PLSCR1: variants seen among roughly 807,000 people sequenced by gnomAD.
The protein encoded by PLSCR1 is phospholipid scramblase 1.
PLSCR1 carries 17 observed loss-of-function variants against 37.8 expected under a neutral mutation model. The ratio of observed to expected loss-of-function variants is 0.45; its 90% CI spans 0.31 to 0.68. PLSCR1 has a LOEUF of 0.68. PLSCR1 is among the 30% of genes least tolerant of loss of function. PLSCR1 has a pLI of 0.06. For missense variants in PLSCR1, 347 were observed against 380.9 expected (o/e 0.91, Z 0.74); for synonymous variants, 116 against 125.9 (o/e 0.92, Z 0.53).
At position 146,528,446 on chromosome 3, in the gene PLSCR1, T is replaced by C. The variant is rs576585996; in HGVS notation, c.312+168A>G. On this transcript the variant is annotated intron_variant, in intron 4 of 8. Transcript: ENST00000342435. ...AAAATACAATTTTCTAAGGCATTTGTATTTTGCTTTAAAATTGAACCAGAC... is the reference window on the plus strand; with the variant it reads ...AAAATACAATTTTCTAAGGCATTTGCATTTTGCTTTAAAATTGAACCAGAC... 22 of 616,032 alleles carry C rather than the reference T, an allele frequency of 3.6e-5. No homozygotes were observed. In the South Asian group the frequency reaches 4.4e-4, roughly 12 times the overall value. 38.2% of individuals were successfully genotyped at this position (616,032 alleles called of 1,614,324 possible).
chr3:146,529,572 G>T (rs2688689), intron 3 of PLSCR1, among the ~76,000 whole-genome samples: 16,893 of 151,314 alleles, frequency 0.11, 1,083 homozygotes, highest in Admixed American at 0.15. Flanking sequence ...GAGTGCGGTG[G>T]CATCATCTCT....
At chr3:146,525,250 A>G (rs908286227) in intron 5 of PLSCR1, among the ~76,000 whole-genome samples, 7 of 152,248 alleles carry the variant, frequency 4.6e-5, no homozygotes, top group Non-Finnish European at 1.0e-4. Context: ...AAGATAACTT[A>G]CTTTGGAATG....
At chr3:146,526,183 CAA>C (rs60229241) in intron 4 of PLSCR1, among the ~76,000 whole-genome samples, 1 of 42,830 alleles carries the variant, frequency 2.3e-5, no homozygotes, top group South Asian at 1.5e-3. Context: ...GACTCCATCT[CAA>C]AAAAAAAAAA....
chr3:146,543,865 G>A (rs1035201201), intron 1 of PLSCR1, among the ~76,000 whole-genome samples: 38 of 152,258 alleles, frequency 2.5e-4, no homozygotes, highest in Non-Finnish European at 4.6e-4. Context: ...AGTAGAGGCC[G>A]AATTTAAAGT....
At position 146,518,105 on chromosome 3, in the gene PLSCR1, AT is replaced by A. The variant is rs2043971141; in HGVS notation, c.739-939del. 2.0e-5 allele frequency among the ~76,000 whole-genome samples: 3 copies of A among 152,210 alleles called. No individual in the cohort carries two copies. The South Asian group carries it at 6.2e-4, about 32-fold the overall frequency. ...ATACTGTTCATCAAATATTCATTTC[AT>A]TCCCTCTCCTTCTGTAGGGCCAGTA... On this transcript the variant is annotated intron_variant, in intron 7 of 8. Coordinates refer to ENST00000342435, the MANE Select transcript of PLSCR1 (RefSeq NM_021105.3).
chr3:146,539,160 C>T (rs1052018507), intron 1 of PLSCR1, among the ~76,000 whole-genome samples: 1 of 152,158 alleles, frequency 6.6e-6, no homozygotes, highest in African/African-American at 2.4e-5. Context: ...ACTAGACAGT[C>T]CCATGTGGGG....
chr3:146,530,537 G>T (rs935638662), intron 3 of PLSCR1, among the ~76,000 whole-genome samples: 10 of 152,144 alleles, frequency 6.6e-5, no homozygotes, highest in Admixed American at 6.5e-4. Context: ...GCGAGCGAGG[G>T]CAGGGTATGA....
At position 146,517,183 on chromosome 3, in the gene PLSCR1, A is replaced by G. The variant is rs757998288; in HGVS notation, c.739-16T>C. ...GAGATTTAATCTAAATTGAAAAAAA[A>G]AAGTATTAAATACTTTTAGGAAACT... On this transcript the variant is annotated splice_polypyrimidine_tract_variant and intron_variant, in intron 7 of 8. Transcript: ENST00000342435. 3 of 1,452,020 alleles carry G rather than the reference A, an allele frequency of 2.1e-6. No individual in the cohort carries two copies. The highest frequency in any genetic ancestry group is 2.7e-5 in the South Asian group (2 of 74,064). 89.9% of individuals were successfully genotyped at this position (1,452,020 alleles called of 1,614,324 possible).
At chr3:146,532,387 T>G (rs749465637) in intron 3 of PLSCR1, among the ~76,000 whole-genome samples, 50 of 152,148 alleles carry the variant, frequency 3.3e-4, no homozygotes, top group Non-Finnish European at 6.0e-4. Flanking sequence ...ATTCCTTGAG[T>G]CCCACCACTG....
intron 4 of PLSCR1, 122 bp downstream of exon 4, chr3:146,528,492 T>C (rs756630516): frequency 5.2e-6 from 4 of 763,268 alleles, no homozygotes; most frequent in African/African-American, 5.2e-5. Context: ...TAGAGTAATC[T>C]GTTAGCAGAA....
Position 146,517,157 on chromosome 3 carries a change from A to G in PLSCR1, c.749T>C (p.Leu250Pro), listed in dbSNP as rs764956464. ...TTTGCCAACCACACACTGTTCATCA[A>G]GAGATTTAATCTAAATTGAAAAAAA... ...CGDVDFEIKS[L>P]DEQCVVGKIS... The change falls in exon 8 of 9, where the codon CTT becomes CCT. Residue 250 changes from leucine (L) to proline (P), a missense_variant. Physicochemically the swap from Leu to Pro is moderately conservative, Grantham distance 98 (BLOSUM62 -3). Transcript: ENST00000342435. 2 of 1,522,178 alleles carry G rather than the reference A, an allele frequency of 1.3e-6. No individual in the cohort carries two copies. Among genetic ancestry groups the G allele is most frequent in the South Asian group, 1.3e-5 (1 of 76,280 alleles). The allele number at this position is 1,522,178 out of a possible 1,614,324, so 94.3% of individuals were successfully genotyped here. A position where few individuals can be genotyped will look rare whatever the true frequency, so the allele number is the denominator to read the frequency against.
At chr3:146,526,328 A>C (rs545362083) in intron 4 of PLSCR1, among the ~76,000 whole-genome samples, 36 of 152,200 alleles carry the variant, frequency 2.4e-4, no homozygotes, top group African/African-American at 8.2e-4. Flanking sequence ...ATCTTTGTAC[A>C]GTTAAGAATT....
intron 3 of PLSCR1, 138 bp from the exon 4 acceptor site, chr3:146,528,969 CTTTCTGAGATT>C: frequency 1.6e-6 from 1 of 645,084 alleles, no homozygotes; most frequent in Non-Finnish European, 2.6e-6. Context: ...ACGCTTTTCT[CTTTCTGAGATT>C]TTTCAATGAA....
chr3:146,526,901 G>A (rs1386845892), intron 4 of PLSCR1, among the ~76,000 whole-genome samples: 1 of 152,186 alleles, frequency 6.6e-6, no homozygotes, highest in African/African-American at 2.4e-5. Context: ...CAGCATTTTG[G>A]GAGGCCAAGG....
At position 146,515,760 on chromosome 3, in the gene PLSCR1, A is replaced by T. The variant is rs2043937593; in HGVS notation, c.*285T>A. On this transcript the variant is annotated 3_prime_UTR_variant, in exon 9 of 9. Coordinates refer to ENST00000342435, the MANE Select transcript of PLSCR1 (RefSeq NM_021105.3). ...GGCCTTAGTTAATATTTGGTAGTAA[A>T]ATGGACAATGAATCAGAGATCATAA... 4.1e-6 allele frequency: 1 copy of T among 246,820 alleles called. No homozygotes were observed. The highest frequency in any genetic ancestry group is 7.6e-6 in the Non-Finnish European group (1 of 131,404). 15.3% of individuals were successfully genotyped at this position (246,820 alleles called of 1,614,324 possible).
intron 3 of PLSCR1, 103 bp from the exon 4 acceptor site, chr3:146,528,934 G>T: frequency 1.3e-6 from 1 of 757,800 alleles, no homozygotes; most frequent in Non-Finnish European, 2.1e-6. Context: ...TTTCAGCGTA[G>T]ACATCTGTAT....
chr3:146,528,675 G>GGTAC lies in PLSCR1; in HGVS notation c.247_250dup (p.Pro84ArgfsTer33). Reference sequence around the variant, plus strand: ...TGGAGGCTGTGGCGCTGGCATCCATGGTACCCCTGCAGCTCCAACTGGCTG... The same window carrying GGTAC: ...TGGAGGCTGTGGCGCTGGCATCCATGGTACGTACCCCTGCAGCTCCAACTGGCTG... On this transcript the variant is annotated frameshift_variant, in exon 4 of 9. Transcript: ENST00000342435. LOFTEE classifies it high-confidence loss of function. 6.2e-7 allele frequency: 1 copy of GGTAC among 1,614,110 alleles called. No homozygotes were observed. The highest frequency in any genetic ancestry group is 1.1e-5 in the South Asian group (1 of 91,086).
intron 8 of PLSCR1, 40 bp from the exon 9 acceptor site, chr3:146,516,141 C>G (rs2043943118): frequency 7.9e-7 from 1 of 1,261,948 alleles, no homozygotes; most frequent in African/African-American, 1.5e-5. Flanking sequence ...TTTTCAACAA[C>G]AAAACAGAGA....
chr3:146,525,729 T>C (rs2044099567), intron 4 of PLSCR1, 82 bp from the exon 5 acceptor site: 1 of 648,854 alleles, frequency 1.5e-6, no homozygotes, highest in Non-Finnish European at 2.7e-6. Flanking sequence ...TTCATGTATT[T>C]ATATTTTTAA....
Sources: gnomAD v4.1 joint callset for allele counts (sites outside exome capture counted in the v4.1 genomes callset) on GRCh38, gnomAD v4.1.1 for gene constraint, MANE v1.5 for transcripts, NCBI Gene and HGNC (gene_info 2026-07-23, HGNC 2026-07-21) for gene names.